SPPL3: variants seen among roughly 807,000 people sequenced by gnomAD.
The protein encoded by SPPL3 is signal peptide peptidase like 3.
In SPPL3, 5 loss-of-function variants were observed where a neutral mutation model predicts 42.4. The observed-to-expected ratio is 0.12, with a 90% CI of 0.06 to 0.25. The LOEUF is 0.25. Ranked by LOEUF, SPPL3 falls within the 10% of genes least tolerant of loss-of-function variation. The probability of loss-of-function intolerance (pLI) is 1.00; values close to 1 mark genes in which losing one functional copy is unlikely to be tolerated. For synonymous variants in SPPL3, 195 were observed against 181.8 expected (o/e 1.07, Z -0.58); for missense variants, 235 against 489.0 (o/e 0.48, Z 4.90).
At chr12:120,841,430 A>T (rs1217999833) in intron 1 of SPPL3, among the ~76,000 whole-genome samples, 1 of 151,106 alleles carries the variant, frequency 6.6e-6, no homozygotes, top group Non-Finnish European at 1.5e-5. Context: ...AAAAATAGTT[A>T]TATATATATA....
At chr12:120,813,621 C>T (rs1870764688) in intron 1 of SPPL3, among the ~76,000 whole-genome samples, 1 of 151,680 alleles carries the variant, frequency 6.6e-6, no homozygotes, top group African/African-American at 2.4e-5. Flanking sequence ...CTGCACCCGG[C>T]GTGATCCTTA....
intron 1 of SPPL3, among the ~76,000 whole-genome samples, chr12:120,850,085 C>T (rs1329349646): frequency 1.3e-5 from 2 of 152,130 alleles, no homozygotes; most frequent in Non-Finnish European, 2.9e-5. Context: ...ATATAAAACA[C>T]ATTAGGCTTG....
intron 1 of SPPL3, among the ~76,000 whole-genome samples, chr12:120,890,557 C>A (rs549794381): frequency 1.3e-5 from 2 of 148,830 alleles, no homozygotes; most frequent in Non-Finnish European, 3.0e-5. Context: ...CCATTGTACT[C>A]CAGCCTGGGC....
chr12:120,836,653 G>A (rs187780320), intron 1 of SPPL3, among the ~76,000 whole-genome samples: 14 of 152,330 alleles, frequency 9.2e-5, no homozygotes, highest in Non-Finnish European at 2.1e-4. Flanking sequence ...GTGGCTGCCA[G>A]GAGTTAGGGA....
intron 1 of SPPL3, among the ~76,000 whole-genome samples, chr12:120,862,649 C>T (rs1872644576): frequency 6.6e-6 from 1 of 152,164 alleles, no homozygotes; most frequent in African/African-American, 2.4e-5. Flanking sequence ...GTTTCCATGC[C>T]TTCGGTGGGT....
At chr12:120,819,501 C>CT (rs1415715381) in intron 1 of SPPL3, among the ~76,000 whole-genome samples, 9 of 152,126 alleles carry the variant, frequency 5.9e-5, no homozygotes, top group African/African-American at 2.2e-4. Flanking sequence ...GATAAAAACA[C>CT]TTTTTTTCCC....
At position 120,866,495 on chromosome 12, in the gene SPPL3, C is replaced by A. The variant is rs553290252; in HGVS notation, c.23+37350G>T. ...CATCAAAAGTCATTTTCTGAATTAA[C>A]TGAAATAGTAAGGCATAATTTACCT... On this transcript the variant is annotated intron_variant, in intron 1 of 10. Coordinates refer to ENST00000353487, the MANE Select transcript of SPPL3 (RefSeq NM_139015.5). 2.0e-5 allele frequency among the ~76,000 whole-genome samples: 3 copies of A among 151,474 alleles called. No homozygotes were observed. The East Asian group carries it at 5.8e-4, about 29-fold the overall frequency.
chr12:120,764,916 C>T lies in SPPL3; in HGVS notation c.*83G>A, dbSNP rs562152174. On this transcript the variant is annotated 3_prime_UTR_variant, in exon 11 of 11. Coordinates refer to ENST00000353487, the MANE Select transcript of SPPL3 (RefSeq NM_139015.5). ...TTAAACACAGGTACATTTCTGAGTA[C>T]CAGGCCAGCTCTAAGAGGAAACAAA... 24 of 1,461,890 alleles carry T rather than the reference C, an allele frequency of 1.6e-5. No homozygotes were observed. In the African/African-American group the frequency reaches 3.4e-4, roughly 20 times the overall value. The allele number at this position is 1,461,890 out of a possible 1,614,324, so 90.6% of individuals were successfully genotyped here.
chr12:120,788,366 T>C (rs995912669), intron 3 of SPPL3, among the ~76,000 whole-genome samples: 6 of 152,198 alleles, frequency 3.9e-5, no homozygotes, highest in Admixed American at 6.5e-5. Context: ...TATTATAATC[T>C]GAAGTAATAA....
At chr12:120,889,236 GA>G (rs1387412245) in intron 1 of SPPL3, among the ~76,000 whole-genome samples, 3 of 152,196 alleles carry the variant, frequency 2.0e-5, no homozygotes, top group Non-Finnish European at 4.4e-5. Context: ...AGAAGAGCAT[GA>G]AAAAGCGATA....
chr12:120,891,566 C>T (rs1370961099), intron 1 of SPPL3, among the ~76,000 whole-genome samples: 2 of 151,898 alleles, frequency 1.3e-5, no homozygotes, highest in Non-Finnish European at 2.9e-5. Flanking sequence ...TAAACAAAAG[C>T]GTAATACAAA....
In SPPL3 at chr12:120,814,937, A is replaced by C. The variant is rs192291595; in HGVS notation, c.24-4051T>G. On this transcript the variant is annotated intron_variant, in intron 1 of 10. Coordinates refer to ENST00000353487, the MANE Select transcript of SPPL3 (RefSeq NM_139015.5). ...AACTTCCTTTTTAAAATTTTCTTTT[A>C]AACATCAGCATGATAGTCCATTGTG... is the stretch of plus-strand genomic sequence containing the variant. Among the ~76,000 whole-genome samples the C allele has an allele frequency of 2.0e-5, 3 of 152,324 alleles. No homozygotes were observed. The East Asian group carries it at 5.8e-4, about 29-fold the overall frequency.
intron 2 of SPPL3, among the ~76,000 whole-genome samples, chr12:120,808,228 C>A (rs1291961419): frequency 6.6e-6 from 1 of 151,830 alleles, no homozygotes; most frequent in African/African-American, 2.4e-5. Flanking sequence ...CCAGGTAGCG[C>A]CGCCATGCCC....
intron 3 of SPPL3, among the ~76,000 whole-genome samples, chr12:120,791,118 A>G (rs1023579450): frequency 2.0e-5 from 3 of 150,888 alleles, no homozygotes; most frequent in South Asian, 2.1e-4. Flanking sequence ...CTGCGCCTGG[A>G]TATCTTGGCA....
intron 1 of SPPL3, among the ~76,000 whole-genome samples, chr12:120,863,120 G>A (rs1432971821): frequency 6.6e-6 from 1 of 152,160 alleles, no homozygotes; most frequent in African/African-American, 2.4e-5. Flanking sequence ...GGCTGAGGTG[G>A]GTGGATCACC....
At chr12:120,809,277 G>A (rs1864102491) in intron 2 of SPPL3, among the ~76,000 whole-genome samples, 1 of 152,090 alleles carries the variant, frequency 6.6e-6, no homozygotes, top group Admixed American at 6.5e-5. Flanking sequence ...CCCAGGAGGT[G>A]GAGCTTGCAG....
chr12:120,831,359 T>G (rs192028932), intron 1 of SPPL3, among the ~76,000 whole-genome samples: 47 of 152,328 alleles, frequency 3.1e-4, no homozygotes, highest in Non-Finnish European at 1.2e-4. Context: ...TGGAGAACCC[T>G]AATACAATGG....
intron 1 of SPPL3, among the ~76,000 whole-genome samples, chr12:120,880,082 T>C (rs1254377361): frequency 6.6e-6 from 1 of 151,386 alleles, no homozygotes; most frequent in Non-Finnish European, 1.5e-5. Flanking sequence ...AAAGCTTTCC[T>C]ACATATTGAC....
rs368578527 is a variant in SPPL3 at position 120,806,591 on chromosome 12, G to A, written c.101+4218C>T. Among the ~76,000 whole-genome samples, 7 of 152,250 alleles carry A rather than the reference G, an allele frequency of 4.6e-5. No homozygotes were observed. In the East Asian group the frequency reaches 1.3e-3, roughly 29 times the overall value. ...GAGCCAGGCGCGGTGGCTCACGCCT[G>A]TAATCCCAGTATTTTGGGAGGCTGA... On this transcript the variant is annotated intron_variant, in intron 2 of 10. Coordinates refer to ENST00000353487, the MANE Select transcript of SPPL3 (RefSeq NM_139015.5).
Sources: gnomAD v4.1 joint callset for allele counts (sites outside exome capture counted in the v4.1 genomes callset) on GRCh38, gnomAD v4.1.1 for gene constraint, MANE v1.5 for transcripts, NCBI Gene and HGNC (gene_info 2026-07-23, HGNC 2026-07-21) for gene names.